The following UBASH3A variants were observed in gnomAD, a reference collection of about 807,000 sequenced individuals.
UBASH3A encodes ubiquitin associated and SH3 domain containing A.
A neutral mutation model predicts 73.5 loss-of-function variants in UBASH3A; 63 were observed. The ratio of observed to expected loss-of-function variants is 0.86; its 90% CI spans 0.70 to 1.06. UBASH3A has a LOEUF of 1.06. Among genes scored for constraint, UBASH3A ranks in the 50% least tolerant of loss-of-function variants. The pLI is 0.00. For missense variants in UBASH3A, 860 were observed against 859.0 expected (o/e 1.00, Z -0.02); for synonymous variants, 363 against 351.1 (o/e 1.03, Z -0.38).
chr21:42,405,992 G>T (rs9981980), intron 1 of UBASH3A, among the ~76,000 whole-genome samples: 32,120 of 137,208 alleles, frequency 0.23, 4,111 homozygotes, highest in Non-Finnish European at 0.3. Flanking sequence ...GTGGGGGGGG[G>T]GGGGGCAGGC....
intron 3 of UBASH3A, 138 bp downstream of exon 3, chr21:42,409,746 G>C (rs984150036): frequency 8.1e-6 from 6 of 738,986 alleles, no homozygotes; most frequent in Non-Finnish European, 1.3e-5. Flanking sequence ...ACCTTCATAT[G>C]AGCTGTCCTT....
At chr21:42,441,088 C>G (rs2053732422) in intron 11 of UBASH3A, among the ~76,000 whole-genome samples, 1 of 152,082 alleles carries the variant, frequency 6.6e-6, no homozygotes, top group Non-Finnish European at 1.5e-5. Context: ...GGTGATGATG[C>G]CTGTTTAAAG....
rs112962066 is a variant in UBASH3A at position 42,409,689 on chromosome 21, G to A, written c.354+81G>A. 2.9e-4 allele frequency: 380 copies of A among 1,320,504 alleles called. 3 individuals are homozygous for A. In the African/African-American group the frequency reaches 4.8e-3, roughly 17 times the overall value. 81.8% of individuals were successfully genotyped at this position (1,320,504 alleles called of 1,614,324 possible). On this transcript the variant is annotated intron_variant, in intron 3 of 14. Transcript: ENST00000319294. ...GCTAACTAGGCCATGATGGGACAAAGTTGACTTATTTAAATGGGATAGTCC... is the reference window on the plus strand; with the variant it reads ...GCTAACTAGGCCATGATGGGACAAAATTGACTTATTTAAATGGGATAGTCC...
intron 8 of UBASH3A, among the ~76,000 whole-genome samples, chr21:42,429,370 C>G (rs942321636): frequency 6.6e-6 from 1 of 152,210 alleles, no homozygotes; most frequent in Admixed American, 6.5e-5. Flanking sequence ...CTGCCTCATT[C>G]CATAGATCCC....
chr21:42,422,018 T>C (rs2053346562), intron 7 of UBASH3A, among the ~76,000 whole-genome samples: 1 of 152,228 alleles, frequency 6.6e-6, no homozygotes, highest in Non-Finnish European at 1.5e-5. Context: ...ATATTTCTTT[T>C]TGCTAATTAT....
intron 10 of UBASH3A, among the ~76,000 whole-genome samples, 179 bp from the exon 11 acceptor site, chr21:42,437,309 A>G (rs899702123): frequency 1.3e-5 from 2 of 152,244 alleles, no homozygotes; most frequent in African/African-American, 4.8e-5. Flanking sequence ...CAGGAGCAAC[A>G]GATCATTCTG....
chr21:42,426,908 G>A, intron 8 of UBASH3A, 88 bp downstream of exon 8: 2 of 1,503,334 alleles, frequency 1.3e-6, no homozygotes, highest in Non-Finnish European at 1.8e-6. Flanking sequence ...CTTCGTAGGT[G>A]TAGCTTTTGT....
chr21:42,444,481 A>G, intron 13 of UBASH3A, 53 bp from the exon 14 acceptor site: 5 of 1,400,796 alleles, frequency 3.6e-6, no homozygotes, highest in Non-Finnish European at 5.0e-6. Flanking sequence ...CCAGTCTAAT[A>G]AAAGGTGCTC....
At chr21:42,443,072 C>T in intron 12 of UBASH3A, 4 of 1,266,626 alleles carry the variant, frequency 3.2e-6, no homozygotes, top group Non-Finnish European at 4.1e-6. Flanking sequence ...ATTCTCCACC[C>T]ATGTCTGACT....
chr21:42,446,635 G>T (rs779506752), intron 14 of UBASH3A, among the ~76,000 whole-genome samples: 1 of 152,158 alleles, frequency 6.6e-6, no homozygotes, highest in Non-Finnish European at 1.5e-5. Flanking sequence ...TTTTCTTTTG[G>T]GTCTGAAAAC....
intron 11 of UBASH3A, among the ~76,000 whole-genome samples, chr21:42,440,175 T>C (rs1025619331): frequency 2.6e-5 from 4 of 152,220 alleles, no homozygotes; most frequent in Non-Finnish European, 5.9e-5. Context: ...GTTCCCATGC[T>C]CACAGCAGCA....
rs1568926627 is a variant in UBASH3A at position 42,426,820 on chromosome 21, G to C, written c.1170G>C (p.Gln390His). Residue 390 changes from glutamine (Q) to histidine (H), a missense_variant and splice_region_variant, in exon 8 of 15, where the codon CAG (glutamine) becomes CAC (histidine). Transcript: ENST00000319294. ...GTCTTAGCAGCTTACAGGCCTTGCA[G>C]GTAATAGAACATTCCCTTTTTTCTT... ...ARSLSSLQAL[Q>H]ATVARKSVLV... 6.2e-7 allele frequency: 1 copy of C among 1,613,630 alleles called. No homozygotes were observed. Among genetic ancestry groups the C allele is most frequent in the Non-Finnish European group, 8.5e-7 (1 of 1,179,802 alleles).
intron 1 of UBASH3A, 44 bp downstream of exon 1, chr21:42,404,102 G>C: frequency 8.3e-7 from 1 of 1,207,938 alleles, no homozygotes; most frequent in Non-Finnish European, 1.1e-6. Flanking sequence ...AGTAAGGCTG[G>C]TGCCAGACCC....
chr21:42,418,730 C>T (rs2053274410), intron 7 of UBASH3A, 121 bp downstream of exon 7: 2 of 902,688 alleles, frequency 2.2e-6, no homozygotes. Context: ...ATTCTGTATG[C>T]TGACAAAATT....
chr21:42,436,286 T>C (rs929384881), intron 10 of UBASH3A, among the ~76,000 whole-genome samples: 2 of 152,148 alleles, frequency 1.3e-5, no homozygotes, highest in Non-Finnish European at 2.9e-5. Context: ...TATAGAGCTA[T>C]AGAGTTAGAG....
At position 42,418,615 on chromosome 21, in the gene UBASH3A, T is replaced by G; in HGVS notation, c.1046+6T>G. The G allele has an allele frequency of 6.2e-7, 1 of 1,612,342 alleles. No individual in the cohort carries two copies. The highest frequency in any genetic ancestry group is 8.5e-7 in the Non-Finnish European group (1 of 1,179,036). On this transcript the variant is annotated splice_donor_region_variant and intron_variant, in intron 7 of 14. Coordinates refer to ENST00000319294, the MANE Select transcript of UBASH3A (RefSeq NM_018961.4). ...GACACGTGGGTGAAGCACAGGTGAG[T>G]GCTGCCTCTGGCTGCAGCCCCGTCA...
intron 11 of UBASH3A, among the ~76,000 whole-genome samples, chr21:42,439,234 T>C (rs1410997028): frequency 6.6e-6 from 1 of 152,134 alleles, no homozygotes; most frequent in Non-Finnish European, 1.5e-5. Flanking sequence ...CAGAAATCCA[T>C]TGTATCAGCA....
intron 9 of UBASH3A, 122 bp from the exon 10 acceptor site, chr21:42,434,710 C>G: frequency 8.8e-7 from 1 of 1,130,464 alleles, no homozygotes; most frequent in Non-Finnish European, 1.2e-6. Flanking sequence ...AGAAACAACA[C>G]AGTTGACAAT....
chr21:42,440,655 C>T (rs553883348), intron 11 of UBASH3A, among the ~76,000 whole-genome samples: 3 of 152,328 alleles, frequency 2.0e-5, no homozygotes, highest in South Asian at 4.1e-4. Flanking sequence ...GCAGGCCGTG[C>T]GAGAGTCCCC....
Sources: allele counts gnomAD v4.1 joint callset (sites outside exome capture counted in the v4.1 genomes callset), GRCh38; gene constraint gnomAD v4.1.1; transcripts MANE v1.5; gene names NCBI Gene and HGNC (gene_info 2026-07-23, HGNC 2026-07-21).